Variants in KATNIP observed in about 807,000 individuals in gnomAD.
KATNIP encodes the protein katanin-interacting protein.
A neutral mutation model predicts 174.0 loss-of-function variants in KATNIP; 126 were observed. The observed-to-expected ratio is 0.72, with a 90% CI of 0.63 to 0.84. The LOEUF (loss-of-function observed/expected upper bound fraction) is 0.84. Ranked by LOEUF, KATNIP falls within the 40% of genes least tolerant of loss-of-function variation. The pLI is 0.00. For synonymous variants in KATNIP, 810 were observed against 835.7 expected, an observed-to-expected ratio of 0.97 and a Z score of 0.53; for missense variants, 1,958 against 2,109.7, an observed-to-expected ratio of 0.93 and a Z score of 1.41.
intron 2 of KATNIP, among the ~76,000 whole-genome samples, chr16:27,618,157 G>T (rs1025213648): frequency 6.6e-6 from 1 of 152,156 alleles, no homozygotes; most frequent in Non-Finnish European, 1.5e-5. Context: ...TGATCTTAGA[G>T]GGCATGGGAG....
intron 23 of KATNIP, 67 bp from the exon 24 acceptor site, chr16:27,774,878 A>T: frequency 6.3e-7 from 1 of 1,593,216 alleles, no homozygotes; most frequent in Non-Finnish European, 8.6e-7. Context: ...CCACGCCATC[A>T]GCCTGAGGGT....
chr16:27,690,075 A>G (rs1327839351), intron 8 of KATNIP, among the ~76,000 whole-genome samples: 1 of 152,088 alleles, frequency 6.6e-6, no homozygotes, highest in African/African-American at 2.4e-5. Context: ...GTCCGAGGCG[A>G]GAGGATCACT....
At chr16:27,677,518 T>C (rs1429669182) in intron 6 of KATNIP, among the ~76,000 whole-genome samples, 5 of 148,558 alleles carry the variant, frequency 3.4e-5, no homozygotes, top group Non-Finnish European at 7.4e-5. Flanking sequence ...CCACAGTTAA[T>C]ATTAACAACA....
chr16:27,621,784 TG>T (rs145162904), intron 3 of KATNIP, among the ~76,000 whole-genome samples: 3,274 of 149,606 alleles, frequency 0.022, 136 homozygotes, highest in African/African-American at 0.077. Context: ...AGAGAGAGGG[TG>T]GGGGGGAGGT....
At chr16:27,725,376 G>T (rs993302802) in intron 14 of KATNIP, among the ~76,000 whole-genome samples, 18 of 152,208 alleles carry the variant, frequency 1.2e-4, no homozygotes, top group African/African-American at 4.3e-4. Context: ...CAGCTTGCTG[G>T]AGTGCCGTCC....
At chr16:27,585,457 G>C (rs1470915769) in intron 2 of KATNIP, among the ~76,000 whole-genome samples, 1 of 152,172 alleles carries the variant, frequency 6.6e-6, no homozygotes, top group Admixed American at 6.5e-5. Context: ...GTATATCGAA[G>C]GGATTTTTCC....
Position 27,665,186 on chromosome 16 carries a change from G to A in KATNIP, c.541-12543G>A, listed in dbSNP as rs117666896. Among the ~76,000 whole-genome samples the A allele has an allele frequency of 1.6e-4, 24 of 150,070 alleles. No individual in the cohort carries two copies. In the East Asian group the frequency reaches 4.3e-3, roughly 27 times the overall value. On this transcript the variant is annotated intron_variant, in intron 6 of 27. Transcript: ENST00000261588. ...CTGTCACCCAGGTTGGTATGCAGCAGCGCACCTCCTGGGTTCAAGCAATTC... is the reference window on the plus strand; with the variant it reads ...CTGTCACCCAGGTTGGTATGCAGCAACGCACCTCCTGGGTTCAAGCAATTC...
chr16:27,658,793 G>T (rs233472), intron 6 of KATNIP, among the ~76,000 whole-genome samples: 14 of 152,252 alleles, frequency 9.2e-5, no homozygotes, highest in African/African-American at 3.4e-4. Flanking sequence ...TTCAGAGTCT[G>T]ACTCAGCTGC....
rs562253355 is a variant in KATNIP, at chr16:27,643,590, C to CAAAAAA, written c.409-4992_409-4987dup. Among the ~76,000 whole-genome samples, 11 of 40,472 alleles carry CAAAAAA rather than the reference C, an allele frequency of 2.7e-4. 1 individual carries two copies. Among genetic ancestry groups the CAAAAAA allele is most frequent in the Admixed American group, 1.0e-3 (2 of 1,978 alleles). 26.6% of individuals were successfully genotyped at this position (40,472 alleles called of 152,430 possible). ...TGGGTAACAGAGTGAGACTCTGTCT[C>CAAAAAA]AAAAAAAAAAAAAAAAAAAAAAAAA... On this transcript the variant is annotated intron_variant, in intron 5 of 27. Transcript: ENST00000261588.
chr16:27,571,449 A>C (rs1325825595), intron 1 of KATNIP, among the ~76,000 whole-genome samples: 1 of 136,082 alleles, frequency 7.3e-6, no homozygotes, highest in Non-Finnish European at 1.5e-5. Context: ...ACTCTTAAAG[A>C]AAAAAAAAAA....
At chr16:27,593,061 G>A (rs1374958900) in intron 2 of KATNIP, among the ~76,000 whole-genome samples, 1 of 152,156 alleles carries the variant, frequency 6.6e-6, no homozygotes, top group African/African-American at 2.4e-5. Flanking sequence ...CCTCTCTGTA[G>A]CTCTTATCTA....
intron 8 of KATNIP, among the ~76,000 whole-genome samples, chr16:27,693,433 G>A (rs528493974): frequency 6.6e-6 from 1 of 152,248 alleles, no homozygotes; most frequent in East Asian, 1.9e-4. Flanking sequence ...CTGTGGCCCA[G>A]GCTGGAGTGC....
intron 2 of KATNIP, among the ~76,000 whole-genome samples, chr16:27,602,711 T>C (rs962139612): frequency 1.3e-5 from 2 of 152,158 alleles, no homozygotes; most frequent in Non-Finnish European, 2.9e-5. Flanking sequence ...CTTCTTCTTT[T>C]TTTTTGAAAC....
chr16:27,769,933 C>A lies in KATNIP; in HGVS notation c.4048C>A (p.Pro1350Thr). ...PPEGFLIRKG[P>T]GNCHFDFAQE... ...AGAGGGCTTTCTCATCCGGAAGGGG[C>A]CAGGCAACTGCCACTTTGATTTTGC... Residue 1350 changes from proline (P) to threonine (T), a missense_variant, in exon 21 of 28, where the codon CCA (proline) becomes ACA (threonine). Transcript: ENST00000261588. The A allele has an allele frequency of 6.2e-7, 1 of 1,614,204 alleles. No individual in the cohort carries two copies. Among genetic ancestry groups the A allele is most frequent in the Non-Finnish European group, 8.5e-7 (1 of 1,180,022 alleles).
At chr16:27,693,743 C>A (rs1403600245) in intron 8 of KATNIP, among the ~76,000 whole-genome samples, 1 of 152,178 alleles carries the variant, frequency 6.6e-6, no homozygotes, top group Non-Finnish European at 1.5e-5. Context: ...GAAGGTTCCT[C>A]TAGGTGCCTT....
In KATNIP at chr16:27,712,650, C is replaced by T. The variant is rs73517305; in HGVS notation, c.1605+3730C>T. ...TGGAAACTCCACCCTTCTGTGCCCG[C>T]ACCATGTCTCTCATTGGCTGCATCC... On this transcript the variant is annotated intron_variant, in intron 13 of 27. Coordinates refer to ENST00000261588, the MANE Select transcript of KATNIP (RefSeq NM_015202.5). Among the ~76,000 whole-genome samples, 598 of 152,282 alleles carry T rather than the reference C, an allele frequency of 3.9e-3. 5 individuals are homozygous for T. The highest frequency in any genetic ancestry group is 0.014 in the African/African-American group (576 of 41,554).
At chr16:27,688,537 C>T (rs564839333) in intron 8 of KATNIP, among the ~76,000 whole-genome samples, 19 of 152,086 alleles carry the variant, frequency 1.2e-4, no homozygotes, top group Non-Finnish European at 2.9e-5. Context: ...GTTGCAGTGA[C>T]CCAAGATCGC....
chr16:27,621,839 C>T (rs975205599), intron 3 of KATNIP, among the ~76,000 whole-genome samples: 6 of 151,776 alleles, frequency 4.0e-5, no homozygotes, highest in African/African-American at 7.3e-5. Flanking sequence ...AACTCACTAT[C>T]GCAAGGACAA....
intron 18 of KATNIP, chr16:27,757,647 G>A (rs2081788035): frequency 2.5e-6 from 1 of 404,090 alleles, no homozygotes. Context: ...CAGTAGGAAG[G>A]CAGAAGAGCC....
Sources: allele counts gnomAD v4.1 joint callset (sites outside exome capture counted in the v4.1 genomes callset), GRCh38; gene constraint gnomAD v4.1.1; transcripts MANE v1.5; gene names NCBI Gene and HGNC (gene_info 2026-07-23, HGNC 2026-07-21).